Variants in GABRB1 observed in about 807,000 individuals in gnomAD.
GABRB1 encodes the protein gamma-aminobutyric acid type A receptor subunit beta1.
Under a neutral mutation model 51.6 loss-of-function variants are expected in GABRB1, and 17 were observed. The observed-to-expected ratio is 0.33, with a 90% CI of 0.23 to 0.49. The LOEUF is 0.49. Among genes scored for constraint, GABRB1 ranks in the 20% least tolerant of loss-of-function variants. GABRB1 has a pLI of 0.99. For missense variants in GABRB1, 410 were observed against 600.6 expected, an observed-to-expected ratio of 0.68 and a Z score of 3.32; for synonymous variants, 247 against 218.9, an observed-to-expected ratio of 1.13 and a Z score of -1.14.
chr4:47,406,648 A>G (rs6287), intron 7 of GABRB1, 34 bp from the exon 8 acceptor site: 189,561 of 1,611,570 alleles, frequency 0.12, 11,854 homozygotes, highest in African/African-American at 0.13. Flanking sequence ...TAATAGTGGC[A>G]CCTTCAGCTA....
At chr4:47,008,790 T>C (rs914575550) in intron 1 of GABRB1, among the ~76,000 whole-genome samples, 1 of 146,594 alleles carries the variant, frequency 6.8e-6, no homozygotes, top group Non-Finnish European at 1.5e-5. Context: ...ATATTTTAAC[T>C]GGACTTTTAA....
intron 4 of GABRB1, among the ~76,000 whole-genome samples, chr4:47,247,881 A>G (rs1325598735): frequency 6.6e-6 from 1 of 151,872 alleles, no homozygotes; most frequent in Non-Finnish European, 1.5e-5. Flanking sequence ...ATCTTTGCTG[A>G]ATTCTTTTAT....
intron 3 of GABRB1, among the ~76,000 whole-genome samples, chr4:47,070,361 C>T (rs1245173669): frequency 1.4e-5 from 2 of 142,678 alleles, no homozygotes; most frequent in Admixed American, 1.4e-4. Context: ...ACAGAGTTTT[C>T]ACTCTTTTTG....
In GABRB1 at chr4:47,101,835, C is replaced by T. The variant is rs115606332; in HGVS notation, c.241-59414C>T. Among the ~76,000 whole-genome samples the T allele has an allele frequency of 5.7e-3, 865 of 151,988 alleles. 3 individuals carry two copies. The highest frequency in any genetic ancestry group is 9.7e-3 in the Non-Finnish European group (656 of 67,874). On this transcript the variant is annotated intron_variant, in intron 3 of 8. Transcript: ENST00000295454. The stretch of plus-strand genomic sequence containing the variant: ...GGGTTTTATATTCTGATTTTGAAAA[C>T]TTGGTCCTTAGATATGGCATGCTTA...
chr4:47,001,781 A>T (rs890162041), intron 1 of GABRB1, among the ~76,000 whole-genome samples: 2 of 152,224 alleles, frequency 1.3e-5, no homozygotes, highest in African/African-American at 4.8e-5. Flanking sequence ...TTTCTCTAGA[A>T]AATCCTAACT....
intron 5 of GABRB1, among the ~76,000 whole-genome samples, chr4:47,341,907 T>G (rs1484291016): frequency 2.0e-5 from 3 of 152,156 alleles, no homozygotes; most frequent in Non-Finnish European, 4.4e-5. Context: ...AAAATCCTTT[T>G]AGGGAACACA....
intron 1 of GABRB1, among the ~76,000 whole-genome samples, chr4:47,023,347 A>G (rs1247815751): frequency 6.6e-6 from 1 of 152,086 alleles, no homozygotes; most frequent in African/African-American, 2.4e-5. Context: ...TTTGTAACTC[A>G]AAGGATTAAC....
rs191900546 is a variant in GABRB1, at chr4:47,349,387, G to A, written c.544+29178G>A. Among the ~76,000 whole-genome samples, 7 of 152,224 alleles carry A rather than the reference G, an allele frequency of 4.6e-5. No individual in the cohort carries two copies. In the East Asian group the frequency reaches 9.6e-4, roughly 21 times the overall value. ...AACCATGGAGTGTTGAGTCACAGAG[G>A]CCAAGGAAAGAAAGGACAGTAGTAC... On this transcript the variant is annotated intron_variant, in intron 5 of 8. Coordinates refer to ENST00000295454, the MANE Select transcript of GABRB1 (RefSeq NM_000812.4).
intron 4 of GABRB1, among the ~76,000 whole-genome samples, chr4:47,280,480 A>ATATATT (rs1171795387): frequency 6.7e-6 from 1 of 150,122 alleles, no homozygotes; most frequent in Non-Finnish European, 1.5e-5. Flanking sequence ...GATTTTATAT[A>ATATATT]TATATTTATA....
chr4:47,124,044 T>C (rs769730639), intron 3 of GABRB1, among the ~76,000 whole-genome samples: 1 of 141,004 alleles, frequency 7.1e-6, no homozygotes, highest in African/African-American at 2.7e-5. Context: ...CTGAAAAAAA[T>C]ATATATATAC....
chr4:47,108,672 C>A (rs1228266245), intron 3 of GABRB1, among the ~76,000 whole-genome samples: 1 of 151,916 alleles, frequency 6.6e-6, no homozygotes, highest in Non-Finnish European at 1.5e-5. Context: ...GCGATTATTG[C>A]TTTAGGCTTT....
At chr4:47,031,755 GCT>G (rs33980898) in intron 1 of GABRB1, 24 bp downstream of exon 1, 4,712 of 448,356 alleles carry the variant, frequency 0.011, 1 homozygote, top group Non-Finnish European at 0.014. Context: ...GTTGAATCTC[GCT>G]CTCTCTCTCT....
intron 3 of GABRB1, among the ~76,000 whole-genome samples, chr4:47,155,916 CATATATATATATATAT>C (rs10525795): frequency 0.34 from 25,421 of 73,730 alleles, 4,913 homozygotes; most frequent in African/African-American, 0.52. Flanking sequence ...GAGGTATTTT[CATATATATATATATAT>C]ATATATATAT....
chr4:47,339,856 C>CA (rs1553876434), intron 5 of GABRB1, among the ~76,000 whole-genome samples: 1 of 150,358 alleles, frequency 6.7e-6, no homozygotes, highest in Non-Finnish European at 1.5e-5. Context: ...CACACACACA[C>CA]CCCACTTTGG....
intron 3 of GABRB1, among the ~76,000 whole-genome samples, chr4:47,055,382 T>C (rs911209319): frequency 6.6e-6 from 1 of 152,188 alleles, no homozygotes; most frequent in Non-Finnish European, 1.5e-5. Context: ...AATGCAGTTA[T>C]TTGTTGAGTT....
chr4:47,300,129 T>C (rs1578076523), intron 4 of GABRB1, among the ~76,000 whole-genome samples: 1 of 147,582 alleles, frequency 6.8e-6, no homozygotes, highest in Non-Finnish European at 1.5e-5. Context: ...TTAGGAGATA[T>C]ACCTAAGGCT....
intron 3 of GABRB1, among the ~76,000 whole-genome samples, chr4:47,068,140 C>T (rs1727165034): frequency 6.6e-6 from 1 of 152,164 alleles, no homozygotes; most frequent in Admixed American, 6.5e-5. Flanking sequence ...TCAAACTTTT[C>T]TTCTGCAACT....
chr4:47,108,872 A>T lies in GABRB1; in HGVS notation c.241-52377A>T, dbSNP rs139103947. ...TAAACATCATTTCCCACAGAGCTCA[A>T]ATTATCTACCTTACCTATTATCTGG... On this transcript the variant is annotated intron_variant, in intron 3 of 8. Transcript: ENST00000295454. 2.6e-5 allele frequency among the ~76,000 whole-genome samples: 4 copies of T among 152,042 alleles called. No homozygotes were observed. The East Asian group carries it at 7.7e-4, about 29-fold the overall frequency.
chr4:47,295,630 G>C, intron 4 of GABRB1, among the ~76,000 whole-genome samples: 1 of 152,334 alleles, frequency 6.6e-6, no homozygotes, highest in African/African-American at 2.4e-5. Context: ...ATCTACGTCT[G>C]ACTGGTGTAC....
Sources: gnomAD v4.1 joint callset for allele counts (sites outside exome capture counted in the v4.1 genomes callset) on GRCh38, gnomAD v4.1.1 for gene constraint, MANE v1.5 for transcripts, NCBI Gene and HGNC (gene_info 2026-07-23, HGNC 2026-07-21) for gene names.